GPBP1L1: variants seen among roughly 807,000 people sequenced by gnomAD.
GPBP1L1 encodes the protein vasculin-like protein 1.
In GPBP1L1, 23 loss-of-function variants were observed where a neutral mutation model predicts 52.5. The ratio of observed to expected loss-of-function variants is 0.44; its 90% CI spans 0.32 to 0.62. The LOEUF (loss-of-function observed/expected upper bound fraction) is 0.62. Ranked by LOEUF, GPBP1L1 falls within the 20% of genes least tolerant of loss-of-function variation. The pLI, the probability that GPBP1L1 is intolerant of heterozygous loss-of-function variation, is 0.06. For synonymous variants in GPBP1L1, 243 were observed against 203.1 expected, an observed-to-expected ratio of 1.20 and a Z score of -1.67; for missense variants, 596 against 579.3, an observed-to-expected ratio of 1.03 and a Z score of -0.30.
intron 2 of GPBP1L1, among the ~76,000 whole-genome samples, chr1:45,663,474 A>C (rs1215871888): frequency 6.6e-6 from 1 of 152,242 alleles, no homozygotes; most frequent in East Asian, 1.9e-4. Flanking sequence ...TGTAGAAGAA[A>C]TACTAACTAG....
chr1:45,638,953 T>C (rs1225934681), intron 8 of GPBP1L1, among the ~76,000 whole-genome samples: 3 of 152,142 alleles, frequency 2.0e-5, no homozygotes, highest in Non-Finnish European at 2.9e-5. Flanking sequence ...ACACTGACTA[T>C]AGGACTAGCA....
rs1158306206 is a variant in GPBP1L1, at chr1:45,640,286, T to A, written c.668A>T (p.Asn223Ile). 7 of 1,614,006 alleles carry A rather than the reference T, an allele frequency of 4.3e-6. No individual in the cohort carries two copies. The Admixed American group carries it at 1.2e-4, about 27-fold the overall frequency. Residue 223 changes from asparagine (N) to isoleucine (I), a missense_variant, in exon 8 of 13, where the codon AAT becomes ATT. By Grantham distance (149) the Asn-to-Ile change is moderately radical. Coordinates refer to ENST00000355105, the MANE Select transcript of GPBP1L1 (RefSeq NM_021639.5). Reference sequence around the variant, plus strand: ...AACCACGGATGACAATTTGTTCCCATTTGCATGGTGAGATCCTGGTGAGGT... The same window carrying A: ...AACCACGGATGACAATTTGTTCCCAATTGCATGGTGAGATCCTGGTGAGGT... Reference protein sequence around the residue: ...AFTSPGSHHANGNKLSSVVPS... With the variant: ...AFTSPGSHHAIGNKLSSVVPS...
intron 6 of GPBP1L1, among the ~76,000 whole-genome samples, chr1:45,646,743 GAGAC>G (rs1366861145): frequency 1.3e-5 from 2 of 151,920 alleles, no homozygotes; most frequent in Admixed American, 6.6e-5. Flanking sequence ...ATTTTTAGTA[GAGAC>G]AGGGTTTCAA....
intron 10 of GPBP1L1, among the ~76,000 whole-genome samples, chr1:45,632,018 C>T (rs994456913): frequency 6.6e-6 from 1 of 151,804 alleles, no homozygotes; most frequent in African/African-American, 2.4e-5. Context: ...GTCTGGAATC[C>T]GAGACCAGCC....
At chr1:45,642,877 T>C (rs1444888501) in intron 6 of GPBP1L1, among the ~76,000 whole-genome samples, 1 of 152,216 alleles carries the variant, frequency 6.6e-6, no homozygotes, top group African/African-American at 2.4e-5. Context: ...GACAATGTGG[T>C]CAGTGAAATG....
intron 11 of GPBP1L1, among the ~76,000 whole-genome samples, chr1:45,629,985 C>T (rs1409943756): frequency 2.0e-5 from 3 of 151,168 alleles, no homozygotes; most frequent in Non-Finnish European, 4.4e-5. Context: ...GAGTCTCACT[C>T]TGTCACCCAG....
chr1:45,644,533 A>C (rs1644716237), intron 6 of GPBP1L1, among the ~76,000 whole-genome samples: 1 of 150,054 alleles, frequency 6.7e-6, no homozygotes, highest in Non-Finnish European at 1.5e-5. Flanking sequence ...CCCCAAAACT[A>C]CTCATACTTA....
In GPBP1L1 at chr1:45,629,460, C is replaced by CG. The variant is rs1557691742; in HGVS notation, c.1272+115_1272+116insC. On this transcript the variant is annotated intron_variant, in intron 12 of 12. Coordinates refer to ENST00000355105, the MANE Select transcript of GPBP1L1 (RefSeq NM_021639.5). ...TACATTTCTACTAAGGTAATCCCCC[C>CG]CCCCCCCACCCGATCTTTCTCTCAC... 56 of 128,206 alleles carry CG rather than the reference C, an allele frequency of 4.4e-4. 3 individuals carry two copies. Among genetic ancestry groups the CG allele is most frequent in the Non-Finnish European group, 7.5e-4 (45 of 60,322 alleles). 7.9% of individuals were successfully genotyped at this position (128,206 alleles called of 1,614,324 possible). A position where few individuals can be genotyped will look rare whatever the true frequency, so the allele number is the denominator to read the frequency against.
intron 2 of GPBP1L1, among the ~76,000 whole-genome samples, chr1:45,676,358 T>C (rs977469086): frequency 1.2e-4 from 19 of 152,182 alleles, no homozygotes; most frequent in Admixed American, 7.9e-4. Flanking sequence ...TCCAGCACTT[T>C]TGGAGGCCAG....
At chr1:45,664,459 C>T (rs573765626) in intron 2 of GPBP1L1, among the ~76,000 whole-genome samples, 23 of 132,252 alleles carry the variant, frequency 1.7e-4, no homozygotes, top group South Asian at 2.6e-4. Flanking sequence ...CCAGCTACTA[C>T]GGAGGCTGAG....
intron 2 of GPBP1L1, among the ~76,000 whole-genome samples, chr1:45,677,372 A>G (rs1645160082): frequency 6.6e-6 from 1 of 150,604 alleles, no homozygotes; most frequent in Admixed American, 6.6e-5. Context: ...AATTTTAGCC[A>G]GGCATAGTGG....
chr1:45,633,535 C>T lies in GPBP1L1; in HGVS notation c.998G>A (p.Arg333Gln), dbSNP rs142864152. The T allele has an allele frequency of 2.1e-5, 34 of 1,613,932 alleles. 1 individual carries two copies. Among genetic ancestry groups the T allele is most frequent in the African/African-American group, 9.3e-5 (7 of 74,880 alleles). The change falls in exon 10 of 13, where the codon CGG becomes CAG. Residue 333 changes from arginine to glutamine, a missense_variant. Transcript: ENST00000355105. ...TCTATTCTCTGAGAAGTCTCCATTC[C>T]GGTCATCCTTCAGAGTTTTCAGGAA... ...SEFLKTLKDD[R>Q]NGDFSENRDC...
At chr1:45,682,864 T>C (rs1290564761) in intron 2 of GPBP1L1, among the ~76,000 whole-genome samples, 3 of 152,190 alleles carry the variant, frequency 2.0e-5, no homozygotes, top group Non-Finnish European at 4.4e-5. Flanking sequence ...TATAGGCTGT[T>C]TGAGGCAGAT....
intron 6 of GPBP1L1, among the ~76,000 whole-genome samples, chr1:45,650,317 T>G (rs1256927349): frequency 6.6e-6 from 1 of 152,166 alleles, no homozygotes; most frequent in East Asian, 1.9e-4. Flanking sequence ...ACAACCACAC[T>G]TGTCAATTTT....
chr1:45,655,308 G>A lies in GPBP1L1; in HGVS notation c.72C>T (p.Ala24=). Residue 24 remains alanine, a synonymous_variant, in exon 5 of 13, where the codon GCC becomes GCT. Transcript: ENST00000355105. ...GGTGCTCTCCGTGTTTTTCGAAGGT[G>A]GCAGTAGGTGACTAAGATGATGAAG... is the stretch of plus-strand genomic sequence containing the variant. ...STPQSAKSPT[A]TFEKHGEHLP... 1 of 1,614,034 alleles carries A rather than the reference G, an allele frequency of 6.2e-7. No homozygotes were observed. Among genetic ancestry groups the A allele is most frequent in the Non-Finnish European group, 8.5e-7 (1 of 1,179,928 alleles).
chr1:45,684,387 A>C (rs1311025731), intron 2 of GPBP1L1, among the ~76,000 whole-genome samples: 1 of 152,166 alleles, frequency 6.6e-6, no homozygotes, highest in Non-Finnish European at 1.5e-5. Flanking sequence ...AAAGATATGC[A>C]ATCTTCTGAA....
intron 6 of GPBP1L1, among the ~76,000 whole-genome samples, chr1:45,649,141 C>T (rs1331365638): frequency 6.6e-6 from 1 of 152,204 alleles, no homozygotes; most frequent in Non-Finnish European, 1.5e-5. Flanking sequence ...TTTTAGACTG[C>T]AGATGCTCAA....
intron 2 of GPBP1L1, among the ~76,000 whole-genome samples, chr1:45,662,435 G>A (rs1038083966): frequency 6.6e-6 from 1 of 152,188 alleles, no homozygotes; most frequent in Non-Finnish European, 1.5e-5. Context: ...GTCAGCCACT[G>A]TGCCTGGCTG....
chr1:45,630,755 G>A (rs969463509), intron 10 of GPBP1L1, 149 bp from the exon 11 acceptor site: 1 of 717,940 alleles, frequency 1.4e-6, no homozygotes, highest in African/African-American at 2.0e-5. Context: ...TACAAATGAG[G>A]ACCTGCTGCA....
Sources: allele counts gnomAD v4.1 joint callset (sites outside exome capture counted in the v4.1 genomes callset), GRCh38; gene constraint gnomAD v4.1.1; transcripts MANE v1.5; gene names NCBI Gene and HGNC (gene_info 2026-07-23, HGNC 2026-07-21).